TNS1: variants seen among roughly 807,000 people sequenced by gnomAD.
TNS1 encodes the protein tensin 1, also known as tensin-1.
A neutral mutation model predicts 168.6 loss-of-function variants in TNS1; 62 were observed. The ratio of observed to expected loss-of-function variants is 0.37; its 90% CI spans 0.30 to 0.45. The LOEUF is 0.45. Ranked by LOEUF, TNS1 falls within the 20% of genes least tolerant of loss-of-function variation. The pLI is 1.00. For synonymous variants in TNS1, 934 were observed against 933.2 expected (o/e 1.00, Z -0.02); for missense variants, 2,240 against 2,339.4 (o/e 0.96, Z 0.88).
chr2:217,906,531 C>T (rs1053579104), intron 5 of TNS1, 146 bp from the exon 6 acceptor site: 1 of 637,736 alleles, frequency 1.6e-6, no homozygotes, highest in African/African-American at 1.8e-5. Flanking sequence ...ATTTCTTTGC[C>T]CATATCAAGG....
chr2:218,025,561 A>G (rs1958843474), intron 1 of TNS1, among the ~76,000 whole-genome samples: 2 of 150,692 alleles, frequency 1.3e-5, no homozygotes. Context: ...CTGGCTACAT[A>G]CTTTAAAATC....
In TNS1 at chr2:217,813,327, A is replaced by G. The variant is rs920881596; in HGVS notation, c.4862-20T>C. The G allele has an allele frequency of 1.3e-6, 2 of 1,549,918 alleles. No individual in the cohort carries two copies. The highest frequency in any genetic ancestry group is 8.8e-7 in the Non-Finnish European group (1 of 1,139,784). On this transcript the variant is annotated intron_variant, in intron 26 of 32. Coordinates refer to ENST00000682258, the MANE Select transcript of TNS1 (RefSeq NM_001387777.1). This position sits in a 1 kb window ranked among gnomAD's most constrained non-coding sequence, Gnocchi z 4.0. ...TGTCTCCTGGGACAAAGAGAAAGAAATAAGGCTCAGTCCCTGCCCATGGCT... is the reference window on the plus strand; with the variant it reads ...TGTCTCCTGGGACAAAGAGAAAGAAGTAAGGCTCAGTCCCTGCCCATGGCT...
chr2:217,962,318 C>T (rs1957519528), intron 3 of TNS1, among the ~76,000 whole-genome samples: 2 of 152,174 alleles, frequency 1.3e-5, no homozygotes, highest in Admixed American at 1.3e-4. Flanking sequence ...TGGCGCATGC[C>T]TGTAATCCCA....
At chr2:217,932,852 C>A (rs764041404) in intron 3 of TNS1, among the ~76,000 whole-genome samples, 27 of 152,304 alleles carry the variant, frequency 1.8e-4, no homozygotes, top group Non-Finnish European at 3.7e-4. Flanking sequence ...AAACTCCTGG[C>A]CCCTAGATGG....
In TNS1 at chr2:218,032,188, C is replaced by T. The variant is rs1187448033; in HGVS notation, c.156+1632G>A. Among the ~76,000 whole-genome samples the T allele has an allele frequency of 6.6e-6, 1 of 152,212 alleles. No individual in the cohort carries two copies. The highest frequency in any genetic ancestry group is 1.5e-5 in the Non-Finnish European group (1 of 68,032). ...CAGGGCCCACAGCTGCAGGCACTGA[C>T]AACCCAGAGCTGGACTTGGAGGCTT... On this transcript the variant is annotated intron_variant, in intron 1 of 1. Transcript: ENST00000649572. The surrounding 1 kb of genome is among the most constrained non-coding windows in gnomAD (Gnocchi z 4.0).
In TNS1 at chr2:217,980,504, C is replaced by CAGAGAG. The variant is rs1217065280; in HGVS notation, c.149-1703_149-1702insCTCTCT. Among the ~76,000 whole-genome samples the CAGAGAG allele has an allele frequency of 1.5e-3, 198 of 131,298 alleles. 2 individuals are homozygous for CAGAGAG. The highest frequency in any genetic ancestry group is 5.3e-3 in the African/African-American group (188 of 35,408). 86.1% of individuals were successfully genotyped at this position (131,298 alleles called of 152,430 possible). A position where few individuals can be genotyped will look rare whatever the true frequency, so the allele number is the denominator to read the frequency against. ...TGCCTCTCTCTCTCTCCTACACACA[C>CAGAGAG]ACAGAGAGAGAGAGAGAGAGAGAGA... On this transcript the variant is annotated intron_variant, in intron 2 of 32. Transcript: ENST00000682258.
intron 3 of TNS1, among the ~76,000 whole-genome samples, chr2:217,970,242 C>A (rs750445050): frequency 2.0e-5 from 3 of 152,204 alleles, no homozygotes; most frequent in Non-Finnish European, 4.4e-5. Flanking sequence ...AACTGTGAGA[C>A]AATACATTTC....
intron 9 of TNS1, among the ~76,000 whole-genome samples, chr2:217,894,680 A>C (rs572216128): frequency 1.5e-4 from 23 of 151,922 alleles, no homozygotes; most frequent in South Asian, 6.2e-4. Context: ...AACAAACAAA[A>C]AAACCGGCAG....
chr2:217,824,075 C>T (rs1490615819), intron 22 of TNS1, among the ~76,000 whole-genome samples: 1 of 152,358 alleles, frequency 6.6e-6, no homozygotes, highest in East Asian at 1.9e-4. Context: ...AAGGCTGTCA[C>T]TGTTGCAACT....
chr2:217,946,955 T>TCACACA (rs1291975623), intron 3 of TNS1, among the ~76,000 whole-genome samples: 27 of 113,698 alleles, frequency 2.4e-4, no homozygotes, highest in African/African-American at 7.2e-4. Flanking sequence ...TCTCTCTCTC[T>TCACACA]CTCTCTCTCT....
At chr2:217,856,372 A>C (rs7594104) in intron 18 of TNS1, among the ~76,000 whole-genome samples, 45,056 of 152,078 alleles carry the variant, frequency 0.3, 6,849 homozygotes, top group Middle Eastern at 0.39. Context: ...CATTGGTGGC[A>C]GGGACTTCCT....
At chr2:218,011,591 T>C (rs1202309336), upstream of TNS1, among the ~76,000 whole-genome samples, 1 of 152,068 alleles carries the variant, frequency 6.6e-6, no homozygotes, top group Non-Finnish European at 1.5e-5. Context: ...CCCTGTCCCC[T>C]TCCTCTCCTG....
intron 3 of TNS1, among the ~76,000 whole-genome samples, chr2:217,962,121 C>G (rs1957511000): frequency 1.3e-5 from 2 of 152,218 alleles, no homozygotes; most frequent in African/African-American, 4.8e-5. Context: ...TCTGGAGAAC[C>G]CTGATGAATA....
chr2:217,900,467 T>C lies in TNS1; in HGVS notation c.367A>G (p.Ile123Val), dbSNP rs1017466547. 5.2e-6 allele frequency: 8 copies of C among 1,535,052 alleles called. No individual in the cohort carries two copies. In the African/African-American group the frequency reaches 9.6e-5, roughly 18 times the overall value. ...TPSVQPHLQP[I>V]RNMSVSRTME... ...GCCCCCACGGGCCAGGCATACCTGA[T>C]GGGCTGGAGGTGGGGCTGGACACTC... Residue 123 changes from isoleucine (I) to valine (V), a missense_variant, in exon 7 of 33, where the codon ATC (isoleucine) becomes GTC (valine). Ile to Val is a conservative substitution (Grantham distance 29, BLOSUM62 3). This residue lies in a region of TNS1 where 2,131 missense variants were observed against 2,171.2 expected (regional missense o/e 0.98). Coordinates refer to ENST00000682258, the MANE Select transcript of TNS1 (RefSeq NM_001387777.1).
At chr2:217,959,947 G>A (rs1957457606) in intron 3 of TNS1, among the ~76,000 whole-genome samples, 1 of 152,148 alleles carries the variant, frequency 6.6e-6, no homozygotes, top group South Asian at 2.1e-4. Context: ...CTGGCAGAGT[G>A]TTTATCATCA....
At position 217,895,028 on chromosome 2, in the gene TNS1, T is replaced by A. The variant is rs780765634; in HGVS notation, c.572A>T (p.Asp191Val). ...LLFNLSERRP[D>V]ITKLHAKVLE... ...CACCTTGGCATGGAGCTTCGTGATG[T>A]CAGGTCTCCGCTCAGAGAGGTTGAA... Residue 191 changes from aspartate (D) to valine (V), a missense_variant, in exon 9 of 33, where the codon GAC (aspartate) becomes GTC (valine). Around this residue, in one of 2 missense-constraint regions of TNS1, gnomAD observed 2,131 missense variants for 2,171.2 expected, o/e 0.98. Transcript: ENST00000682258. 1 of 1,612,732 alleles carries A rather than the reference T, an allele frequency of 6.2e-7. No individual in the cohort carries two copies.
At chr2:217,914,204 A>T (rs1243960873) in intron 4 of TNS1, among the ~76,000 whole-genome samples, 1 of 152,188 alleles carries the variant, frequency 6.6e-6, no homozygotes, top group Non-Finnish European at 1.5e-5. Context: ...CTCTGGTCAA[A>T]ACCCCAGAGT....
chr2:218,006,454 T>TA (rs1958657886), upstream of TNS1, among the ~76,000 whole-genome samples: 1 of 152,244 alleles, frequency 6.6e-6, no homozygotes. Flanking sequence ...AAAATATTCT[T>TA]ACTGATGTCC....
intron 22 of TNS1, among the ~76,000 whole-genome samples, chr2:217,825,881 A>G (rs944934824): frequency 2.0e-4 from 30 of 152,220 alleles, no homozygotes; most frequent in Admixed American, 5.2e-4. Context: ...CCTAAACTGC[A>G]GAACACCAGA....
Sources: gnomAD v4.1 joint callset for allele counts (sites outside exome capture counted in the v4.1 genomes callset) on GRCh38, gnomAD v4.1.1 for gene constraint, gnomAD v4.1.1 regional missense constraint, Gnocchi (gnomAD v3.1) non-coding constraint, MANE v1.5 for transcripts, NCBI Gene and HGNC (gene_info 2026-07-23, HGNC 2026-07-21) for gene names.